The following FA2H variants were observed in gnomAD, a reference collection of about 807,000 sequenced individuals.
FA2H encodes fatty acid 2-hydroxylase.
In FA2H, 22 loss-of-function variants were observed where a neutral mutation model predicts 44.9. The observed-to-expected ratio is 0.49, with a 90% CI of 0.35 to 0.70. FA2H has a LOEUF of 0.70. Among genes scored for constraint, FA2H ranks in the 30% least tolerant of loss-of-function variants. FA2H has a pLI of 0.01. For synonymous variants in FA2H, 243 were observed against 213.2 expected, an observed-to-expected ratio of 1.14 and a Z score of -1.22; for missense variants, 501 against 504.9, an observed-to-expected ratio of 0.99 and a Z score of 0.07.
At chr16:74,764,836 C>T (rs1474204756) in intron 1 of FA2H, among the ~76,000 whole-genome samples, 1 of 152,054 alleles carries the variant, frequency 6.6e-6, no homozygotes, top group Non-Finnish European at 1.5e-5. Context: ...GTAAACAGGA[C>T]TAGAAACCCA....
intron 4 of FA2H, among the ~76,000 whole-genome samples, chr16:74,724,578 G>C (rs1323288466): frequency 1.3e-5 from 2 of 152,158 alleles, no homozygotes; most frequent in Non-Finnish European, 2.9e-5. Context: ...CCCTTGCCTT[G>C]CTTTGTGGGC....
At chr16:74,755,861 C>T (rs745432656) in intron 1 of FA2H, among the ~76,000 whole-genome samples, 5 of 150,212 alleles carry the variant, frequency 3.3e-5, no homozygotes, top group Non-Finnish European at 5.9e-5. Flanking sequence ...CCCTACTAAG[C>T]GTAATTTTCA....
chr16:74,765,708 C>G (rs113989568), intron 1 of FA2H, among the ~76,000 whole-genome samples: 5 of 152,082 alleles, frequency 3.3e-5, no homozygotes, highest in Non-Finnish European at 7.4e-5. Context: ...CACATGACCA[C>G]GCCTGGCTAT....
chr16:74,726,387 C>T (rs1436359953), intron 3 of FA2H, 56 bp from the exon 4 acceptor site: 4 of 1,088,336 alleles, frequency 3.7e-6, no homozygotes, highest in South Asian at 2.6e-5. Flanking sequence ...TGACAGAGTA[C>T]AGCTTTCTTT....
chr16:74,720,486 G>A (rs557267241), intron 4 of FA2H, among the ~76,000 whole-genome samples: 10 of 151,874 alleles, frequency 6.6e-5, no homozygotes, highest in South Asian at 2.1e-4. Context: ...ATGAGCCACC[G>A]TGCCCAGCCC....
intron 1 of FA2H, among the ~76,000 whole-genome samples, chr16:74,768,032 G>T (rs146140255): frequency 6.6e-6 from 1 of 152,142 alleles, no homozygotes; most frequent in Admixed American, 6.5e-5. Flanking sequence ...GTTTCAGAGC[G>T]CATGGGATGC....
intron 1 of FA2H, among the ~76,000 whole-genome samples, chr16:74,746,374 TA>T (rs551711612): frequency 0.095 from 9,752 of 102,620 alleles, 364 homozygotes; most frequent in African/African-American, 0.13. Flanking sequence ...TTATTATTAT[TA>T]TTATTTTTTT....
intron 2 of FA2H, among the ~76,000 whole-genome samples, chr16:74,731,010 G>A (rs1272112384): frequency 1.3e-5 from 2 of 152,196 alleles, no homozygotes; most frequent in Non-Finnish European, 2.9e-5. Flanking sequence ...GAATCACACT[G>A]GTTTCCTGAA....
At chr16:74,737,267 G>A (rs890556872) in intron 2 of FA2H, among the ~76,000 whole-genome samples, 3 of 152,180 alleles carry the variant, frequency 2.0e-5, no homozygotes, top group African/African-American at 7.2e-5. Context: ...GAGAGTGGTG[G>A]GCAGCTCTGG....
At chr16:74,760,157 C>T (rs79895876) in intron 1 of FA2H, among the ~76,000 whole-genome samples, 3,539 of 152,168 alleles carry the variant, frequency 0.023, 142 homozygotes, top group African/African-American at 0.082. Context: ...TTGTCCACTC[C>T]CCTGGACACC....
intron 1 of FA2H, among the ~76,000 whole-genome samples, chr16:74,767,810 G>C (rs1962836714): frequency 6.6e-6 from 1 of 152,232 alleles, no homozygotes; most frequent in Admixed American, 6.5e-5. Context: ...TAATTTGCCA[G>C]AGAAGCAATC....
chr16:74,764,020 T>A (rs1962760838), intron 1 of FA2H, among the ~76,000 whole-genome samples: 1 of 152,220 alleles, frequency 6.6e-6, no homozygotes, highest in African/African-American at 2.4e-5. Context: ...TTTCACAATA[T>A]AAAGTACTGA....
chr16:74,729,556 G>A (rs1401839183), intron 2 of FA2H, among the ~76,000 whole-genome samples: 1 of 152,208 alleles, frequency 6.6e-6, no homozygotes, highest in East Asian at 1.9e-4. Flanking sequence ...GAGAGTGTGT[G>A]CAGAAAGTTT....
chr16:74,716,762 G>A (rs1961714225), intron 5 of FA2H, 163 bp from the exon 6 acceptor site: 1 of 713,172 alleles, frequency 1.4e-6, no homozygotes, highest in Non-Finnish European at 2.3e-6. Context: ...CACCACGTCT[G>A]GAAGATCTGG....
rs149561762 is a variant in FA2H at position 74,727,274 on chromosome 16, T to C, written c.476A>G (p.Asp159Gly). 6.2e-7 allele frequency: 1 copy of C among 1,614,058 alleles called. No individual in the cohort carries two copies. Among genetic ancestry groups the C allele is most frequent in the Non-Finnish European group, 8.5e-7 (1 of 1,180,020 alleles). Residue 159 changes from aspartate to glycine, a missense_variant, in exon 3 of 7, where the codon GAC becomes GGC. Transcript: ENST00000219368. ...AGTCTTAGAGAGGCCCTCAATGAGG[T>C]CTGAGTGGAAGAGGCGGATGGGCCT... is the stretch of plus-strand genomic sequence containing the variant. ...VTRPIRLFHS[D>G]LIEGLSKTVW...
Position 74,713,179 on chromosome 16 carries a change from A to C in FA2H, c.*1011T>G, listed in dbSNP as rs912891901. Reference sequence around the variant, plus strand: ...TGTGGGTAAGAAAGGAACCAAAAACAGGAGGAAACAACATTTTTTACATAA... The same window carrying C: ...TGTGGGTAAGAAAGGAACCAAAAACCGGAGGAAACAACATTTTTTACATAA... On this transcript the variant is annotated 3_prime_UTR_variant, in exon 7 of 7. Transcript: ENST00000219368. 6.5e-6 allele frequency: 1 copy of C among 152,690 alleles called. No individual in the cohort carries two copies. The highest frequency in any genetic ancestry group is 1.5e-5 in the Non-Finnish European group (1 of 68,048). 9.5% of individuals were successfully genotyped at this position (152,690 alleles called of 1,614,324 possible). A position where few individuals can be genotyped will look rare whatever the true frequency, so the allele number is the denominator to read the frequency against.
intron 1 of FA2H, among the ~76,000 whole-genome samples, chr16:74,774,188 G>A (rs1962964161): frequency 6.6e-6 from 1 of 152,080 alleles, no homozygotes; most frequent in Non-Finnish European, 1.5e-5. Context: ...TTGTCGGAGG[G>A]CAGGGGCTGC....
Position 74,774,759 on chromosome 16 carries a change from C to T in FA2H, c.-4G>A. On this transcript the variant is annotated 5_prime_UTR_variant, in exon 1 of 7. Transcript: ENST00000219368. ...CGGGGGGCGGAGCGGGGGCCATGGC[C>T]GGAGACCGCAGCTCCCAGCGCGCAG... 8 of 1,299,468 alleles carry T rather than the reference C, an allele frequency of 6.2e-6. No homozygotes were observed. The highest frequency in any genetic ancestry group is 7.8e-6 in the Non-Finnish European group (8 of 1,031,200). 80.5% of individuals were successfully genotyped at this position (1,299,468 alleles called of 1,614,324 possible).
Position 74,750,781 on chromosome 16 carries a change from G to GTGTGTGTGTGTGTA in FA2H, c.271-10667_271-10666insTACACACACACACA, listed in dbSNP as rs1376634373. Among the ~76,000 whole-genome samples, 235 of 151,326 alleles carry GTGTGTGTGTGTGTA rather than the reference G, an allele frequency of 1.6e-3. 1 individual carries two copies. The highest frequency in any genetic ancestry group is 3.6e-3 in the African/African-American group (148 of 40,878). Reference sequence around the variant, plus strand: ...TTTCACTGTGTGTGTGTGTGTGTGTGTGTGTGTGTTTAAGAGACAGGGTCT... The same window carrying GTGTGTGTGTGTGTA: ...TTTCACTGTGTGTGTGTGTGTGTGTGTGTGTGTGTGTGTATGTGTGTGTTTAAGAGACAGGGTCT... On this transcript the variant is annotated intron_variant, in intron 1 of 6. Transcript: ENST00000219368.
Sources: gnomAD v4.1 joint callset for allele counts (sites outside exome capture counted in the v4.1 genomes callset) on GRCh38, gnomAD v4.1.1 for gene constraint, MANE v1.5 for transcripts, NCBI Gene and HGNC (gene_info 2026-07-23, HGNC 2026-07-21) for gene names.